Variants in FGF16 observed in about 807,000 individuals in gnomAD.
FGF16 encodes metacarpal 4-5 fusion.
FGF16 carries 2 observed loss-of-function variants against 8.5 expected under a neutral mutation model. That is an observed-to-expected ratio of 0.24 (90% confidence interval 0.10 to 0.75). The LOEUF is 0.75. Ranked by LOEUF, FGF16 falls within the 30% of genes least tolerant of loss-of-function variation. The pLI is 0.74. For synonymous variants in FGF16, 33 were observed against 34.6 expected (o/e 0.95, Z 0.16); for missense variants, 79 against 87.4 (o/e 0.90, Z 0.38).
chrX:77,450,288 A>G (rs971963020), intron 1 of FGF16, among the ~76,000 whole-genome samples: 8 of 112,072 alleles, frequency 7.1e-5, no homozygotes, highest in African/African-American at 1.9e-4. Flanking sequence ...CAGGGCCCCC[A>G]AGGATTACCC....
intron 1 of FGF16, among the ~76,000 whole-genome samples, chrX:77,450,414 G>A (rs1211057770): frequency 8.9e-6 from 1 of 112,386 alleles, no homozygotes; most frequent in Admixed American, 9.4e-5. Context: ...CAGTAGCCAG[G>A]AGTATTTCAA....
At chrX:77,450,429 C>T (rs910447825) in intron 1 of FGF16, among the ~76,000 whole-genome samples, 12 of 112,310 alleles carry the variant, frequency 1.1e-4, no homozygotes, top group African/African-American at 2.9e-4. Context: ...TTTCAATCAC[C>T]GCCTGGCTGG....
intron 2 of FGF16, among the ~76,000 whole-genome samples, chrX:77,456,034 C>T (rs2062570781): frequency 8.9e-6 from 1 of 112,220 alleles, no homozygotes; most frequent in African/African-American, 3.2e-5. Flanking sequence ...CCTCCAATCT[C>T]CTCCCTTCAG....
chrX:77,447,849 A>T lies in FGF16; in HGVS notation c.175A>T (p.Ile59Phe). 3 of 298,060 alleles carry T rather than the reference A, an allele frequency of 1.0e-5. No individual in the cohort carries two copies. 24.6% of individuals were successfully genotyped at this position (298,060 alleles called of 1,213,427 possible). ...SPTDFAHLKG[I>F]LRRRQLYCRT... ...CACAGACTTCGCCCACCTAAAGGGG[A>T]TCCTGCGGCGCCGCCAGCTCTACTG... The change falls in exon 1 of 3, where the codon ATC (isoleucine) becomes TTC (phenylalanine). Residue 59 changes from isoleucine (I) to phenylalanine (F), a missense_variant. By Grantham distance (21) the Ile-to-Phe change is conservative. Coordinates refer to ENST00000439435, the MANE Select transcript of FGF16 (RefSeq NM_003868.3).
chrX:77,455,543 G>A lies in FGF16; in HGVS notation c.379-734G>A, dbSNP rs1557027046. ...TTTACTGACCTTAACCCTTCCAGGG[G>A]ATCCCAACTCCTGGCTCTGGCTTTT... On this transcript the variant is annotated intron_variant, in intron 2 of 2. Transcript: ENST00000439435. 3.6e-5 allele frequency among the ~76,000 whole-genome samples: 4 copies of A among 111,745 alleles called. No homozygotes were observed. In the South Asian group the frequency reaches 1.5e-3, roughly 42 times the overall value.
intron 1 of FGF16, among the ~76,000 whole-genome samples, chrX:77,448,169 T>C (rs1487592682): frequency 2.7e-5 from 3 of 113,098 alleles, no homozygotes; most frequent in African/African-American, 9.6e-5. Context: ...CGGTGGGGCC[T>C]CTCCTTTCGC....
At position 77,456,667 on chromosome X, in the gene FGF16, T is replaced by G; in HGVS notation, c.*145T>G. The G allele has an allele frequency of 7.4e-6, 4 of 537,160 alleles. No homozygotes were observed. Among genetic ancestry groups the G allele is most frequent in the Non-Finnish European group, 9.0e-6 (3 of 334,558 alleles). 44.3% of individuals were successfully genotyped at this position (537,160 alleles called of 1,213,427 possible). A position where few individuals can be genotyped will look rare whatever the true frequency, so the allele number is the denominator to read the frequency against. On this transcript the variant is annotated 3_prime_UTR_variant, in exon 3 of 3. Transcript: ENST00000439435. Reference sequence around the variant, plus strand: ...TTACTGTTGAACTCAACCCAGCTGTTCCCTTGTTGTTCAAAGTGTATATCA... The same window carrying G: ...TTACTGTTGAACTCAACCCAGCTGTGCCCTTGTTGTTCAAAGTGTATATCA...
intron 1 of FGF16, among the ~76,000 whole-genome samples, chrX:77,453,153 C>G (rs1244748398): frequency 1.8e-5 from 2 of 111,560 alleles, no homozygotes; most frequent in African/African-American, 3.3e-5. Flanking sequence ...CATTTCATAC[C>G]TTGGATGACT....
chrX:77,456,272 C>T lies in FGF16; in HGVS notation c.379-5C>T, dbSNP rs2062571633. ...GGGTTCTGCTTTATTTTCTCACCCT[C>T]ACAGAAGAAACTCACACGTGAATGT... On this transcript the variant is annotated splice_polypyrimidine_tract_variant and splice_region_variant and intron_variant, in intron 2 of 2. Transcript: ENST00000439435. 1.7e-6 allele frequency: 2 copies of T among 1,207,715 alleles called. No individual in the cohort carries two copies. Among genetic ancestry groups the T allele is most frequent in the African/African-American group, 1.7e-5 (1 of 57,149 alleles).
rs1557027140 is a variant in FGF16 at position 77,456,519 on chromosome X, G to A, written c.621G>A (p.Arg207=). The change falls in exon 3 of 3, where the codon AGG becomes AGA. Residue 207 remains arginine (R), a synonymous_variant. Coordinates refer to ENST00000439435, the MANE Select transcript of FGF16 (RefSeq NM_003868.3). ...PSMSRDLFHY[R] ...TGTCCAGAGACCTCTTTCACTATAG[G>A]TAATGAACCTCTGGTGTGCCCTCTG... The A allele has an allele frequency of 4.1e-6, 5 of 1,209,771 alleles. No individual in the cohort carries two copies. In the East Asian group the frequency reaches 1.2e-4, roughly 29 times the overall value.
intron 2 of FGF16, among the ~76,000 whole-genome samples, chrX:77,454,611 C>T (rs1457192971): frequency 7.8e-5 from 8 of 102,081 alleles, no homozygotes; most frequent in Middle Eastern, 4.7e-3. Context: ...GCCGAGATTG[C>T]GCCACTGCAC....
intron 2 of FGF16, 25 bp downstream of exon 2, chrX:77,454,285 T>TG (rs1557026903): frequency 1.1e-5 from 9 of 797,628 alleles, no homozygotes; most frequent in Non-Finnish European, 1.6e-5. Context: ...TTTTTTTTTT[T>TG]TTTTTTTTTT....
In FGF16 at chrX:77,457,158, TA is replaced by T. The variant is rs2062575049; in HGVS notation, c.*637del. 8.9e-6 allele frequency: 1 copy of T among 112,219 alleles called. No homozygotes were observed. The highest frequency in any genetic ancestry group is 1.9e-5 in the Non-Finnish European group (1 of 53,265). The allele number at this position is 112,219 out of a possible 1,213,427, so 9.2% of individuals were successfully genotyped here. A position where few individuals can be genotyped will look rare whatever the true frequency, so the allele number is the denominator to read the frequency against. ...TTTATTTATTTCAAAATAATAATTT[TA>T]TTTTTAATGAGAGATGCGATGGCTG... is the stretch of plus-strand genomic sequence containing the variant. On this transcript the variant is annotated 3_prime_UTR_variant, in exon 3 of 3. Coordinates refer to ENST00000439435, the MANE Select transcript of FGF16 (RefSeq NM_003868.3).
chrX:77,456,156 G>C, intron 2 of FGF16, 121 bp from the exon 3 acceptor site: 1 of 628,407 alleles, frequency 1.6e-6, no homozygotes, highest in Non-Finnish European at 2.6e-6. Context: ...AATACAGAGA[G>C]ATAGGACTGG....
chrX:77,453,668 G>A (rs782340896), intron 1 of FGF16, among the ~76,000 whole-genome samples: 1 of 111,271 alleles, frequency 9.0e-6, no homozygotes, highest in East Asian at 2.8e-4. Context: ...GGCAGTTGAC[G>A]GCCTCATGTG....
In FGF16 at chrX:77,456,436, C is replaced by T. The variant is rs782506746; in HGVS notation, c.538C>T (p.His180Tyr). The T allele has an allele frequency of 6.6e-6, 8 of 1,208,971 alleles. No homozygotes were observed. In the South Asian group the frequency reaches 1.4e-4, roughly 21 times the overall value. Residue 180 changes from histidine to tyrosine, a missense_variant, in exon 3 of 3, where the codon CAC (histidine) becomes TAC (tyrosine). Transcript: ENST00000439435. ...CCGGGAGGGATACAGGACTAAACGACACCAGAAATTCACTCACTTTTTACC... is the reference window on the plus strand; with the variant it reads ...CCGGGAGGGATACAGGACTAAACGATACCAGAAATTCACTCACTTTTTACC... Reference protein sequence around the residue: ...SPREGYRTKRHQKFTHFLPRP... With the variant: ...SPREGYRTKRYQKFTHFLPRP...
Position 77,454,188 on chromosome X carries a change from G to A in FGF16, c.306G>A (p.Gly102=). ...TGGAGTTTATCAGCCTGGCTGTGGG[G>A]CTGATCAGCATCCGGGGAGTGGACT... ...GILEFISLAV[G]LISIRGVDSG... The change falls in exon 2 of 3, where the codon GGG becomes GGA. Residue 102 remains glycine, a synonymous_variant. Transcript: ENST00000439435. 2 of 1,200,898 alleles carry A rather than the reference G, an allele frequency of 1.7e-6. No homozygotes were observed. The highest frequency in any genetic ancestry group is 2.3e-6 in the Non-Finnish European group (2 of 888,482).
intron 2 of FGF16, among the ~76,000 whole-genome samples, chrX:77,455,891 C>A (rs1557027065): frequency 8.9e-6 from 1 of 111,950 alleles, no homozygotes; most frequent in Non-Finnish European, 1.9e-5. Flanking sequence ...TGTTAGTTGA[C>A]ATGGTTGACT....
chrX:77,449,630 G>A (rs2062551387), intron 1 of FGF16, among the ~76,000 whole-genome samples: 1 of 111,737 alleles, frequency 8.9e-6, no homozygotes, highest in Non-Finnish European at 1.9e-5. Context: ...CTGATTTTGT[G>A]CCTAAGCTGA....
Sources: allele counts gnomAD v4.1 joint callset (sites outside exome capture counted in the v4.1 genomes callset), GRCh38; gene constraint gnomAD v4.1.1; transcripts MANE v1.5; gene names NCBI Gene and HGNC (gene_info 2026-07-23, HGNC 2026-07-21).